The following ERICH3 variants were observed in gnomAD, a reference collection of about 807,000 sequenced individuals.
ERICH3 encodes the protein glutamate rich 3.
In ERICH3, 126 loss-of-function variants were observed where a neutral mutation model predicts 131.1. That is an observed-to-expected ratio of 0.96 (90% CI 0.83 to 1.11). The LOEUF (loss-of-function observed/expected upper bound fraction) is 1.11, where lower values mean the gene tolerates loss of function less well. Among genes scored for constraint, ERICH3 ranks in the 50% most tolerant of loss-of-function variants. The pLI is 0.00. For synonymous variants in ERICH3, 695 were observed against 644.6 expected, an observed-to-expected ratio of 1.08 and a Z score of -1.18; for missense variants, 2,050 against 1,810.7, an observed-to-expected ratio of 1.13 and a Z score of -2.40.
chr1:74,670,346 T>C lies in ERICH3; in HGVS notation c.23+3151A>G, dbSNP rs1011924460. 8.9e-4 allele frequency among the ~76,000 whole-genome samples: 136 copies of C among 152,260 alleles called. 2 individuals carry two copies. The highest frequency in any genetic ancestry group is 2.6e-4 in the Non-Finnish European group (18 of 68,018). ...GACCATGTGAGGCAACATAGTGTGA[T>C]GGTGAAGAGAAATGACTCTGATCCT... On this transcript the variant is annotated intron_variant, in intron 1 of 14. Coordinates refer to ENST00000326665, the MANE Select transcript of ERICH3 (RefSeq NM_001002912.5).
rs1646935191 is a variant in ERICH3, at chr1:74,571,143, C to T, written c.4567G>A (p.Val1523Ile). 2.5e-6 allele frequency: 4 copies of T among 1,613,760 alleles called. No homozygotes were observed. The highest frequency in any genetic ancestry group is 3.4e-6 in the Non-Finnish European group (4 of 1,179,884). Reference sequence around the variant, plus strand: ...TAGACCTGCACGTTGTTGGGGGAAACATCTGCAGTCTCGCTTTCTCCTTGC... The same window carrying T: ...TAGACCTGCACGTTGTTGGGGGAAATATCTGCAGTCTCGCTTTCTCCTTGC... Reference protein sequence around the residue: ...MVQGESETADVSPNNVQV With the variant: ...MVQGESETADISPNNVQV The change falls in exon 14 of 15, where the codon GTT becomes ATT. Residue 1523 changes from valine (V) to isoleucine (I), a missense_variant. Val to Ile is a conservative substitution (Grantham distance 29, BLOSUM62 3). Coordinates refer to ENST00000326665, the MANE Select transcript of ERICH3 (RefSeq NM_001002912.5).
rs955017037 is a variant in ERICH3, at chr1:74,568,532, C to G, written c.*1926G>C. 1 of 152,062 alleles carries G rather than the reference C, an allele frequency of 6.6e-6. No individual in the cohort carries two copies. The highest frequency in any genetic ancestry group is 1.5e-5 in the Non-Finnish European group (1 of 67,978). The allele number at this position is 152,062 out of a possible 1,614,324, so 9.4% of individuals were successfully genotyped here. The stretch of plus-strand genomic sequence containing the variant: ...TTGAATATAATGTAGATGAAATCTA[C>G]TCATAAAACTTTAAGACAGATGATG... On this transcript the variant is annotated 3_prime_UTR_variant, in exon 15 of 15. Transcript: ENST00000326665.
intron 3 of ERICH3, among the ~76,000 whole-genome samples, chr1:74,644,326 C>T (rs184276146): frequency 6.6e-6 from 1 of 152,040 alleles, no homozygotes; most frequent in Non-Finnish European, 1.5e-5. Context: ...CTGTAGTCAT[C>T]CACATCTACT....
chr1:74,660,711 T>A (rs373640094), intron 1 of ERICH3, among the ~76,000 whole-genome samples: 1 of 149,720 alleles, frequency 6.7e-6, no homozygotes, highest in Non-Finnish European at 1.5e-5. Context: ...TGTGTATATA[T>A]ACATATACAC....
chr1:74,636,351 C>T lies in ERICH3; in HGVS notation c.532G>A (p.Val178Ile). The T allele has an allele frequency of 1.2e-6, 2 of 1,613,154 alleles. No individual in the cohort carries two copies. The highest frequency in any genetic ancestry group is 1.7e-6 in the Non-Finnish European group (2 of 1,179,350). ...CTGGACCTTGAAGTTACCTTTGGAA[C>T]AGTTTCTACTGCAGGATTACTGGGA... ...PLPSNPAVET[V>I]PKVTSRSRSK... is the part of the protein sequence containing the mutation. The change falls in exon 6 of 15, where the codon GTT (valine) becomes ATT (isoleucine). Residue 178 changes from valine (V) to isoleucine (I), a missense_variant. Transcript: ENST00000326665.
rs368691728 is a variant in ERICH3 at position 74,570,336 on chromosome 1, A to T, written c.*122T>A. 6.6e-6 allele frequency: 1 copy of T among 152,248 alleles called. No individual in the cohort carries two copies. Among genetic ancestry groups the T allele is most frequent in the Non-Finnish European group, 1.5e-5 (1 of 68,046 alleles). 9.4% of individuals were successfully genotyped at this position (152,248 alleles called of 1,614,324 possible). A position where few individuals can be genotyped will look rare whatever the true frequency, so the allele number is the denominator to read the frequency against. On this transcript the variant is annotated 3_prime_UTR_variant, in exon 15 of 15. Transcript: ENST00000326665. ...TTGGGAATCATCTCAGACAAGCGCAACCAGCAACTAAAGAGGAGAGAGAGA... is the reference window on the plus strand; with the variant it reads ...TTGGGAATCATCTCAGACAAGCGCATCCAGCAACTAAAGAGGAGAGAGAGA...
intron 11 of ERICH3, among the ~76,000 whole-genome samples, chr1:74,595,139 T>C (rs1321669073): frequency 1.3e-5 from 2 of 152,156 alleles, no homozygotes; most frequent in African/African-American, 4.8e-5. Flanking sequence ...CATGAATTTA[T>C]ATATCCTACT....
chr1:74,630,172 ATGAG>A (rs1649545272), intron 7 of ERICH3, among the ~76,000 whole-genome samples: 1 of 152,198 alleles, frequency 6.6e-6, no homozygotes, highest in South Asian at 2.1e-4. Context: ...TTTCAGAATG[ATGAG>A]TAAGTCATTG....
intron 8 of ERICH3, among the ~76,000 whole-genome samples, chr1:74,613,422 G>A (rs753600237): frequency 1.3e-5 from 2 of 152,176 alleles, no homozygotes; most frequent in Non-Finnish European, 2.9e-5. Context: ...GAGTTGGGGA[G>A]TTAGAGTTTG....
intron 1 of ERICH3, among the ~76,000 whole-genome samples, chr1:74,663,225 C>G (rs1188675057): frequency 6.6e-6 from 1 of 152,112 alleles, no homozygotes; most frequent in African/African-American, 2.4e-5. Flanking sequence ...AGGCCCTGTG[C>G]TACATGTACT....
At chr1:74,634,443 C>T (rs763520355) in intron 6 of ERICH3, among the ~76,000 whole-genome samples, 9 of 152,062 alleles carry the variant, frequency 5.9e-5, no homozygotes, top group Non-Finnish European at 1.0e-4. Flanking sequence ...AATACATACC[C>T]CAAAAACTTG....
chr1:74,637,211 G>A (rs74093483), intron 5 of ERICH3, among the ~76,000 whole-genome samples: 446 of 152,074 alleles, frequency 2.9e-3, no homozygotes, highest in African/African-American at 0.01. Flanking sequence ...ATGAAATTAG[G>A]GTCTTTCTTC....
Position 74,571,640 on chromosome 1 carries a change from C to T in ERICH3, c.4070G>A (p.Arg1357Lys), listed in dbSNP as rs1434528769. Reference sequence around the variant, plus strand: ...TGTCTCCGAACCTGCCAACACCTCCCTCTCCTCTGCGGCTGTTTCTGCCGT... The same window carrying T: ...TGTCTCCGAACCTGCCAACACCTCCTTCTCCTCTGCGGCTGTTTCTGCCGT... ...GETAETAAEE[R>K]EVLAGSETAE... Residue 1357 changes from arginine to lysine, a missense_variant, in exon 14 of 15, where the codon AGG (arginine) becomes AAG (lysine). Physicochemically the swap from Arg to Lys is conservative, Grantham distance 26. Coordinates refer to ENST00000326665, the MANE Select transcript of ERICH3 (RefSeq NM_001002912.5). 4 of 1,614,192 alleles carry T rather than the reference C, an allele frequency of 2.5e-6. No individual in the cohort carries two copies. The highest frequency in any genetic ancestry group is 3.4e-6 in the Non-Finnish European group (4 of 1,180,034).
intron 1 of ERICH3, among the ~76,000 whole-genome samples, chr1:74,668,649 A>T (rs1646713471): frequency 6.6e-6 from 1 of 152,186 alleles, no homozygotes; most frequent in Admixed American, 6.5e-5. Flanking sequence ...ACTTACATGA[A>T]CATGTTTGTT....
chr1:74,585,877 A>T (rs1263031360), intron 12 of ERICH3, among the ~76,000 whole-genome samples: 1 of 152,112 alleles, frequency 6.6e-6, no homozygotes, highest in East Asian at 1.9e-4. Flanking sequence ...AAATTTATTG[A>T]ATCATTTCCC....
At chr1:74,652,234 T>C (rs1000339832) in intron 1 of ERICH3, among the ~76,000 whole-genome samples, 2 of 152,088 alleles carry the variant, frequency 1.3e-5, no homozygotes, top group Admixed American at 6.6e-5. Flanking sequence ...TATATACAGA[T>C]TTGGTAAAAT....
intron 8 of ERICH3, among the ~76,000 whole-genome samples, chr1:74,619,419 A>G (rs1296654427): frequency 6.6e-6 from 1 of 152,204 alleles, no homozygotes; most frequent in Non-Finnish European, 1.5e-5. Flanking sequence ...CATTCTCCTA[A>G]ATCAATAGCT....
intron 6 of ERICH3, among the ~76,000 whole-genome samples, chr1:74,633,345 T>G (rs1646358912): frequency 6.6e-6 from 1 of 151,892 alleles, no homozygotes; most frequent in African/African-American, 2.4e-5. Flanking sequence ...TAATTTTTCT[T>G]TTCTTATATT....
intron 1 of ERICH3, 102 bp from the exon 2 acceptor site, chr1:74,649,417 T>C (rs1355926414): frequency 3.9e-6 from 3 of 772,284 alleles, no homozygotes; most frequent in African/African-American, 1.7e-5. Flanking sequence ...CATTCACTCA[T>C]GCAGCCTGCC....
Sources: gnomAD v4.1 joint callset for allele counts (sites outside exome capture counted in the v4.1 genomes callset) on GRCh38, gnomAD v4.1.1 for gene constraint, MANE v1.5 for transcripts, NCBI Gene and HGNC (gene_info 2026-07-23, HGNC 2026-07-21) for gene names.